Variants in LRRC75A observed in about 807,000 individuals in gnomAD.
LRRC75A encodes the protein leucine rich repeat containing 75A.
In LRRC75A, 12 loss-of-function variants were observed where a neutral mutation model predicts 26.0. The observed-to-expected ratio is 0.46, with a 90% CI of 0.30 to 0.75. The LOEUF (loss-of-function observed/expected upper bound fraction) is 0.75. LRRC75A is among the 30% of genes least tolerant of loss of function. The pLI, the probability that LRRC75A is intolerant of heterozygous loss-of-function variation, is 0.08. For synonymous variants in LRRC75A, 223 were observed against 219.3 expected, an observed-to-expected ratio of 1.02 and a Z score of -0.15; for missense variants, 410 against 486.6, an observed-to-expected ratio of 0.84 and a Z score of 1.48.
intron 3 of LRRC75A, among the ~76,000 whole-genome samples, chr17:16,446,035 A>T (rs1186989007): frequency 6.6e-6 from 1 of 152,168 alleles, no homozygotes; most frequent in Admixed American, 6.5e-5. Flanking sequence ...CAGCCTTCTG[A>T]GTAGCTGGGA....
At chr17:16,479,009 T>C (rs7215577) in intron 1 of LRRC75A, among the ~76,000 whole-genome samples, 1,906 of 152,184 alleles carry the variant, frequency 0.013, 46 homozygotes, top group African/African-American at 0.043. Flanking sequence ...ATATGAACAG[T>C]CTGGGAAGCT....
At chr17:16,484,963 TA>T (rs56383905) in intron 1 of LRRC75A, among the ~76,000 whole-genome samples, 4,076 of 123,812 alleles carry the variant, frequency 0.033, 131 homozygotes, top group African/African-American at 0.088. Context: ...TAATAAAAGT[TA>T]AAAAAAAAAA....
At chr17:16,464,775 C>G (rs188670854) in intron 1 of LRRC75A, among the ~76,000 whole-genome samples, 5 of 152,190 alleles carry the variant, frequency 3.3e-5, no homozygotes, top group Admixed American at 3.3e-4. Context: ...CGTGTGGACA[C>G]GAGGGACCCC....
rs1000864618 is a variant in LRRC75A, at chr17:16,462,085, A to G, written c.375+173T>C. Reference sequence around the variant, plus strand: ...TTCACCCCCTGGGCCAAACAAAACCAATCTGTGCTAGTGGCACCAAGGGAG... The same window carrying G: ...TTCACCCCCTGGGCCAAACAAAACCGATCTGTGCTAGTGGCACCAAGGGAG... On this transcript the variant is annotated intron_variant, in intron 2 of 3. Transcript: ENST00000470794. This position sits in a 1 kb window ranked among gnomAD's most constrained non-coding sequence, Gnocchi z 4.6. Among the ~76,000 whole-genome samples, 2 of 152,208 alleles carry G rather than the reference A, an allele frequency of 1.3e-5. No individual in the cohort carries two copies. Among genetic ancestry groups the G allele is most frequent in the African/African-American group, 4.8e-5 (2 of 41,460 alleles).
intron 1 of LRRC75A, among the ~76,000 whole-genome samples, chr17:16,480,133 T>C (rs1042147056): frequency 8.5e-5 from 13 of 152,344 alleles, no homozygotes; most frequent in African/African-American, 2.2e-4. Flanking sequence ...TGGGACCGTC[T>C]AGTTGCAGGA....
At chr17:16,488,355 C>A (rs1262799880) in intron 1 of LRRC75A, among the ~76,000 whole-genome samples, 2 of 152,220 alleles carry the variant, frequency 1.3e-5, no homozygotes, top group African/African-American at 4.8e-5. Context: ...CAGACTGAAC[C>A]CTGGCCAGGT....
At chr17:16,455,223 G>A (rs532283440) in intron 2 of LRRC75A, among the ~76,000 whole-genome samples, 2 of 151,780 alleles carry the variant, frequency 1.3e-5, no homozygotes, top group South Asian at 2.1e-4. Context: ...GTGAGCCACC[G>A]TGCCTCACCT....
At chr17:16,483,620 A>G (rs2093839626) in intron 1 of LRRC75A, among the ~76,000 whole-genome samples, 1 of 152,180 alleles carries the variant, frequency 6.6e-6, no homozygotes, top group Admixed American at 6.5e-5. Context: ...CATTTCGCCC[A>G]CCACTCCTTC....
rs113906069 is a variant in LRRC75A, at chr17:16,473,576, C to A, written c.247-11190G>T. On this transcript the variant is annotated intron_variant, in intron 1 of 3. Coordinates refer to ENST00000470794, the MANE Select transcript of LRRC75A (RefSeq NM_001113567.3). ...GCTGACCGAAGTCAGCCAGATGCTGCCAGGGAGGGCTGCTCTGCAGAGGTC... is the reference window on the plus strand; with the variant it reads ...GCTGACCGAAGTCAGCCAGATGCTGACAGGGAGGGCTGCTCTGCAGAGGTC... 3.8e-3 allele frequency among the ~76,000 whole-genome samples: 585 copies of A among 152,282 alleles called. 1 individual carries two copies. The highest frequency in any genetic ancestry group is 0.013 in the African/African-American group (557 of 41,556).
chr17:16,444,239 A>C, intron 3 of LRRC75A, 108 bp from the exon 4 acceptor site: 1 of 940,636 alleles, frequency 1.1e-6, no homozygotes, highest in South Asian at 1.8e-5. Context: ...GACTGCTTTT[A>C]CGAAACACTT....
intron 2 of LRRC75A, chr17:16,448,257 G>C: frequency 2.5e-6 from 1 of 401,780 alleles, no homozygotes. Context: ...TGACCCCCTG[G>C]CCAAGACTCA....
chr17:16,491,883 G>A lies in LRRC75A; in HGVS notation c.108C>T (p.Arg36=). Residue 36 remains arginine, a synonymous_variant, in exon 1 of 4, where the codon CGC becomes CGT. Coordinates refer to ENST00000470794, the MANE Select transcript of LRRC75A (RefSeq NM_001113567.3). This position sits in a 1 kb window ranked among gnomAD's most constrained non-coding sequence, Gnocchi z 5.9. The part of the protein sequence containing the change: ...RPDFWASLLL[R]AGDKAGRAGA... The stretch of plus-strand genomic sequence containing the variant: ...CCGCGCGCCCCGCCTTGTCCCCGGC[G>A]CGCAGCAGCAGCGACGCCCAGAAGT... 1 of 1,360,852 alleles carries A rather than the reference G, an allele frequency of 7.3e-7. No homozygotes were observed. The highest frequency in any genetic ancestry group is 3.0e-5 in the Admixed American group (1 of 33,660). 84.3% of individuals were successfully genotyped at this position (1,360,852 alleles called of 1,614,324 possible).
intron 2 of LRRC75A, among the ~76,000 whole-genome samples, chr17:16,452,190 A>T (rs1222007945): frequency 8.2e-5 from 4 of 48,662 alleles, no homozygotes; most frequent in African/African-American, 2.3e-4. Context: ...GCTCTCAAAA[A>T]AAAAAAAAAA....
chr17:16,485,681 T>TGTGTGTGTGTGTGTGTGTGTGC (rs748088509), intron 1 of LRRC75A, among the ~76,000 whole-genome samples: 1 of 135,432 alleles, frequency 7.4e-6, no homozygotes, highest in African/African-American at 3.0e-5. Flanking sequence ...CGTGTGTGTG[T>TGTGTGTGTGTGTGTGTGTGTGC]GTGTGTGTGT....
chr17:16,447,970 C>A lies in LRRC75A; in HGVS notation c.376-10G>T, dbSNP rs1291928839. 1.6e-5 allele frequency: 25 copies of A among 1,550,206 alleles called. No homozygotes were observed. The highest frequency in any genetic ancestry group is 2.2e-5 in the Non-Finnish European group (25 of 1,146,342). On this transcript the variant is annotated splice_polypyrimidine_tract_variant and intron_variant, in intron 2 of 3. Transcript: ENST00000470794. ...CCAGTGCATCGCCTTCCTGCAGAGG[C>A]AACCATGGGTGGTAGGGCCCTGAGT...
Position 16,443,664 on chromosome 17 carries a change from TCCTCCTGGCCTACTGTCCCTTCCCGGA to T in LRRC75A, c.932_958del (p.Val311_Glu319del). 1 of 1,577,144 alleles carries T rather than the reference TCCTCCTGGCCTACTGTCCCTTCCCGGA, an allele frequency of 6.3e-7. No homozygotes were observed. Among genetic ancestry groups the T allele is most frequent in the African/African-American group, 1.4e-5 (1 of 73,934 alleles). On this transcript the variant is annotated inframe_deletion, in exon 4 of 4. Transcript: ENST00000470794. Reference sequence around the variant, plus strand: ...AGGTGCCACAGGGCCCCCTCCAGGGTCCTCCTGGCCTACTGTCCCTTCCCGGACCTCCTCCCCACTGCCTGGGCCCTC... The same window carrying T: ...AGGTGCCACAGGGCCCCCTCCAGGGTCCTCCTCCCCACTGCCTGGGCCCTC...
At chr17:16,475,309 T>C (rs1483678151) in intron 1 of LRRC75A, among the ~76,000 whole-genome samples, 1 of 151,614 alleles carries the variant, frequency 6.6e-6, no homozygotes, top group Non-Finnish European at 1.5e-5. Context: ...ACTGATAAGA[T>C]GTGTGTGTGT....
chr17:16,474,979 G>A (rs953960236), intron 1 of LRRC75A, among the ~76,000 whole-genome samples: 26 of 149,244 alleles, frequency 1.7e-4, no homozygotes, highest in African/African-American at 6.5e-4. Context: ...CTGGGCAACG[G>A]TGCAAGACTC....
chr17:16,462,345 A>G lies in LRRC75A; in HGVS notation c.288T>C (p.Tyr96=). The G allele has an allele frequency of 6.2e-7, 1 of 1,614,192 alleles. No homozygotes were observed. Among genetic ancestry groups the G allele is most frequent in the African/African-American group, 1.3e-5 (1 of 75,062 alleles). ...MESTSLDDVL[Y]RYASFRNLVD... ...CCAGGTTCCGGAAGCTGGCGTAGCGATACAGAACGTCGTCTAGCGAGGTCG... is the reference window on the plus strand; with the variant it reads ...CCAGGTTCCGGAAGCTGGCGTAGCGGTACAGAACGTCGTCTAGCGAGGTCG... The change falls in exon 2 of 4, where the codon TAT becomes TAC. Residue 96 remains tyrosine (Y), a synonymous_variant. Coordinates refer to ENST00000470794, the MANE Select transcript of LRRC75A (RefSeq NM_001113567.3). The surrounding 1 kb of genome is among the most constrained non-coding windows in gnomAD (Gnocchi z 4.6).
Sources: gnomAD v4.1 joint callset for allele counts (sites outside exome capture counted in the v4.1 genomes callset) on GRCh38, gnomAD v4.1.1 for gene constraint, Gnocchi (gnomAD v3.1) non-coding constraint, MANE v1.5 for transcripts, NCBI Gene and HGNC (gene_info 2026-07-23, HGNC 2026-07-21) for gene names.